The following ZNF679 variants were observed in gnomAD, a reference collection of about 807,000 sequenced individuals.
The protein encoded by ZNF679 is hypothetical protein MGC42415.
ZNF679 carries 10 observed loss-of-function variants against 13.4 expected under a neutral mutation model. That is an observed-to-expected ratio of 0.75 (90% CI 0.46 to 1.27). The LOEUF (loss-of-function observed/expected upper bound fraction) is 1.27. Ranked by LOEUF, ZNF679 falls within the 50% of genes most tolerant of loss-of-function variation. The pLI is 0.00. For synonymous variants in ZNF679, 179 were observed against 162.5 expected (o/e 1.10, Z -0.77); for missense variants, 525 against 477.8 (o/e 1.10, Z -0.92).
In ZNF679 at chr7:64,260,238, A is replaced by T. The variant is rs754098380; in HGVS notation, c.57A>T (p.Arg19Ser). ...TTTTTCAGGGACTGTTGACATTCAG[A>T]GATGTAGTCATAGAATTCTCTCTGG... is the stretch of plus-strand genomic sequence containing the variant. The part of the protein sequence containing the change: ...GSREMGLLTF[R>S]DVVIEFSLEE... The change falls in exon 3 of 5, where the codon AGA becomes AGT. Residue 19 changes from arginine to serine, a missense_variant. Transcript: ENST00000421025. 64 of 1,606,890 alleles carry T rather than the reference A, an allele frequency of 4.0e-5. No individual in the cohort carries two copies. The highest frequency in any genetic ancestry group is 5.3e-5 in the Non-Finnish European group (63 of 1,178,288).
chr7:64,247,794 G>A (rs989257171), intron 1 of ZNF679, among the ~76,000 whole-genome samples: 7 of 151,736 alleles, frequency 4.6e-5, no homozygotes, highest in African/African-American at 7.2e-5. Flanking sequence ...TCAGGTGGTC[G>A]ACCACCTCGG....
Position 64,266,874 on chromosome 7 carries a change from A to C in ZNF679, c.*5A>C, listed in dbSNP as rs1377409412. The C allele has an allele frequency of 6.4e-7, 1 of 1,553,490 alleles. No homozygotes were observed. The highest frequency in any genetic ancestry group is 1.4e-5 in the African/African-American group (1 of 72,632). ...AAACCCTACAAATGTGAATAATGTG[A>C]TAAAGTCCAGCCTTCAGACCTTATA... is the stretch of plus-strand genomic sequence containing the variant. On this transcript the variant is annotated 3_prime_UTR_variant, in exon 5 of 5. Transcript: ENST00000421025.
intron 1 of ZNF679, among the ~76,000 whole-genome samples, chr7:64,239,567 G>T (rs865846059): frequency 6.6e-6 from 1 of 152,136 alleles, no homozygotes; most frequent in Admixed American, 6.6e-5. Flanking sequence ...TGACTATTTT[G>T]TCTGGCCACT....
rs1788162477 is a variant in ZNF679 at position 64,266,852 on chromosome 7, C to G, written c.1219C>G (p.Pro407Ala). ...NHKSMHTGEK[P>A]YKCE is the part of the protein sequence containing the mutation. ...TAAGAGTATGCATACTGGAGAGAAA[C>G]CCTACAAATGTGAATAATGTGATAA... Residue 407 changes from proline (P) to alanine (A), a missense_variant, in exon 5 of 5, where the codon CCC becomes GCC. Pro to Ala is a conservative substitution (Grantham distance 27). Transcript: ENST00000421025. 5 of 1,578,378 alleles carry G rather than the reference C, an allele frequency of 3.2e-6. No individual in the cohort carries two copies. The East Asian group carries it at 1.2e-4, about 37-fold the overall frequency.
At chr7:64,250,970 G>A (rs960882790) in intron 2 of ZNF679, among the ~76,000 whole-genome samples, 1 of 152,120 alleles carries the variant, frequency 6.6e-6, no homozygotes, top group African/African-American at 2.4e-5. Context: ...TAAATTTCCA[G>A]TTCCATCTGA....
Position 64,266,000 on chromosome 7 carries a change from T to C in ZNF679, c.367T>C (p.Leu123=), listed in dbSNP as rs371012818. The C allele has an allele frequency of 9.9e-6, 16 of 1,613,586 alleles. No individual in the cohort carries two copies. Among genetic ancestry groups the C allele is most frequent in the Non-Finnish European group, 1.1e-5 (13 of 1,179,816 alleles). The stretch of plus-strand genomic sequence containing the variant: ...ATATGGAAAAAGTGGACATGACAAT[T>C]TACAAGTAAAAACATGTAAAAGCAT... ...RRYGKSGHDN[L]QVKTCKSMGE... is the part of the protein sequence containing the mutation. Residue 123 remains leucine, a synonymous_variant, in exon 5 of 5, where the codon TTA becomes CTA. Transcript: ENST00000421025.
chr7:64,236,442 G>A (rs541984159), intron 1 of ZNF679, among the ~76,000 whole-genome samples: 1 of 150,916 alleles, frequency 6.6e-6, no homozygotes, highest in African/African-American at 2.4e-5. Flanking sequence ...GTAAAAGAGC[G>A]TTTGTGGGGG....
At chr7:64,258,994 C>T (rs1788040983) in intron 2 of ZNF679, among the ~76,000 whole-genome samples, 1 of 152,088 alleles carries the variant, frequency 6.6e-6, no homozygotes, top group South Asian at 2.1e-4. Flanking sequence ...CCACTGCAAC[C>T]TCCGCCTTGT....
intron 2 of ZNF679, among the ~76,000 whole-genome samples, chr7:64,254,511 C>T (rs1041894386): frequency 6.6e-6 from 1 of 151,796 alleles, no homozygotes; most frequent in Non-Finnish European, 1.5e-5. Context: ...TTTTCCATTT[C>T]ACTGTTTCTT....
intron 1 of ZNF679, among the ~76,000 whole-genome samples, chr7:64,230,929 A>C (rs1787630639): frequency 6.6e-6 from 1 of 152,218 alleles, no homozygotes; most frequent in Non-Finnish European, 1.5e-5. Flanking sequence ...ACAGATTCAC[A>C]TATAAGAGTC....
intron 1 of ZNF679, among the ~76,000 whole-genome samples, chr7:64,248,047 A>AATTAAT (rs1787891846): frequency 1.3e-5 from 2 of 152,044 alleles, no homozygotes; most frequent in Admixed American, 6.6e-5. Flanking sequence ...TAATTGAATC[A>AATTAAT]TAATTCTACA....
chr7:64,250,897 C>T (rs1427052501), intron 2 of ZNF679, among the ~76,000 whole-genome samples: 1 of 152,136 alleles, frequency 6.6e-6, no homozygotes, highest in Non-Finnish European at 1.5e-5. Flanking sequence ...TCAACCGTGT[C>T]TTAAACAAGG....
intron 2 of ZNF679, among the ~76,000 whole-genome samples, chr7:64,259,008 T>C (rs1188099511): frequency 6.6e-6 from 1 of 151,976 alleles, no homozygotes; most frequent in East Asian, 1.9e-4. Context: ...GCCTTGTGGG[T>C]TCAAGCGATT....
chr7:64,241,210 A>C (rs1349896164), intron 1 of ZNF679, among the ~76,000 whole-genome samples: 1 of 152,214 alleles, frequency 6.6e-6, no homozygotes, highest in East Asian at 1.9e-4. Context: ...CCTGCAAGTT[A>C]AAGACCCAGA....
At chr7:64,240,681 C>T (rs1026607536) in intron 1 of ZNF679, among the ~76,000 whole-genome samples, 7 of 152,172 alleles carry the variant, frequency 4.6e-5, no homozygotes, top group South Asian at 4.1e-4. Context: ...GTAGATGCAG[C>T]CACAGGTGAG....
intron 1 of ZNF679, among the ~76,000 whole-genome samples, chr7:64,233,697 C>T (rs1427682267): frequency 1.3e-5 from 2 of 152,042 alleles, no homozygotes; most frequent in African/African-American, 2.4e-5. Flanking sequence ...ACCACCTTCA[C>T]CTTCATTCCC....
At chr7:64,233,253 C>CAAAAAAAAAA (rs71060564) in intron 1 of ZNF679, among the ~76,000 whole-genome samples, 3 of 126,250 alleles carry the variant, frequency 2.4e-5, no homozygotes, top group Non-Finnish European at 3.3e-5. Flanking sequence ...AACAAATAAA[C>CAAAAAAAAAA]AAAAAAAAAA....
intron 2 of ZNF679, among the ~76,000 whole-genome samples, chr7:64,253,605 G>C (rs1787969090): frequency 6.6e-6 from 1 of 152,168 alleles, no homozygotes; most frequent in Non-Finnish European, 1.5e-5. Context: ...ATCAGATTTA[G>C]GTAATAAGTT....
chr7:64,234,227 TG>T (rs1423779717), intron 1 of ZNF679, among the ~76,000 whole-genome samples: 1 of 152,194 alleles, frequency 6.6e-6, no homozygotes, highest in African/African-American at 2.4e-5. Flanking sequence ...ACCATCAGAA[TG>T]CCTTAGAAGA....
Sources: allele counts gnomAD v4.1 joint callset (sites outside exome capture counted in the v4.1 genomes callset), GRCh38; gene constraint gnomAD v4.1.1; transcripts MANE v1.5; gene names NCBI Gene and HGNC (gene_info 2026-07-23, HGNC 2026-07-21).